The following DCLRE1C variants were observed in gnomAD, a reference collection of about 807,000 sequenced individuals.
DCLRE1C encodes the protein protein artemis.
In DCLRE1C, 47 loss-of-function variants were observed where a neutral mutation model predicts 61.4. The ratio of observed to expected loss-of-function variants is 0.77; its 90% CI spans 0.61 to 0.98. The LOEUF is 0.98. Ranked by LOEUF, DCLRE1C falls within the 50% of genes least tolerant of loss-of-function variation. The pLI, the probability that DCLRE1C is intolerant of heterozygous loss-of-function variation, is 0.00. For synonymous variants in DCLRE1C, 337 were observed against 287.6 expected (o/e 1.17, Z -1.74); for missense variants, 858 against 816.0 (o/e 1.05, Z -0.63).
rs1378418450 is a variant in DCLRE1C, at chr10:14,929,852, G to C, written c.781-1700C>G. On this transcript the variant is annotated intron_variant, in intron 9 of 13. Transcript: ENST00000378278. Reference sequence around the variant, plus strand: ...TGGTGCTGTTTCTTAGGAAGGTGCAGATTAGAGTTAAGAGTGGACTCTATG... The same window carrying C: ...TGGTGCTGTTTCTTAGGAAGGTGCACATTAGAGTTAAGAGTGGACTCTATG... Among the ~76,000 whole-genome samples, 4 of 152,276 alleles carry C rather than the reference G, an allele frequency of 2.6e-5. No homozygotes were observed. In the East Asian group the frequency reaches 7.7e-4, roughly 29 times the overall value.
At position 14,908,387 on chromosome 10, in the gene DCLRE1C, A is replaced by T; in HGVS notation, c.*21T>A. On this transcript the variant is annotated 3_prime_UTR_variant, in exon 14 of 14. Transcript: ENST00000378278. ...GTGCAGGTTTTTTAGTGGTTGCTCTAGGTTGAAACGCTTTGAATTCTTAGG... is the reference window on the plus strand; with the variant it reads ...GTGCAGGTTTTTTAGTGGTTGCTCTTGGTTGAAACGCTTTGAATTCTTAGG... The T allele has an allele frequency of 6.3e-7, 1 of 1,582,884 alleles. No homozygotes were observed. Among genetic ancestry groups the T allele is most frequent in the Non-Finnish European group, 8.7e-7 (1 of 1,152,614 alleles).
intron 9 of DCLRE1C, among the ~76,000 whole-genome samples, chr10:14,928,467 G>A (rs891682775): frequency 6.6e-6 from 1 of 152,104 alleles, no homozygotes; most frequent in Non-Finnish European, 1.5e-5. Flanking sequence ...AATAAATCCT[G>A]GATGCCCCTG....
chr10:14,951,046 G>C (rs1055788078), intron 1 of DCLRE1C, among the ~76,000 whole-genome samples: 1 of 152,058 alleles, frequency 6.6e-6, no homozygotes, highest in Admixed American at 6.6e-5. Flanking sequence ...CCACAAATAA[G>C]CATCAGGTGG....
At chr10:14,934,119 G>C (rs561602377) in intron 8 of DCLRE1C, among the ~76,000 whole-genome samples, 1 of 152,196 alleles carries the variant, frequency 6.6e-6, no homozygotes, top group African/African-American at 2.4e-5. Context: ...CTTGAGGTCA[G>C]GAGTTCAAGA....
Position 14,905,178 on chromosome 10 carries a change from C to T in DCLRE1C, c.*3230G>A, listed in dbSNP as rs1834289160. Among the ~76,000 whole-genome samples the T allele has an allele frequency of 6.6e-6, 1 of 152,254 alleles. No homozygotes were observed. Among genetic ancestry groups the T allele is most frequent in the Non-Finnish European group, 1.5e-5 (1 of 68,046 alleles). On this transcript the variant is annotated 3_prime_UTR_variant, in exon 14 of 14. Coordinates refer to ENST00000378278, the MANE Select transcript of DCLRE1C (RefSeq NM_001033855.3). ...TTATATTCAATTCCTTTAAATGTTACTTTCCTTTTAAGATAGCTTTCATGG... is the reference window on the plus strand; with the variant it reads ...TTATATTCAATTCCTTTAAATGTTATTTTCCTTTTAAGATAGCTTTCATGG...
In DCLRE1C at chr10:14,928,169, G is replaced by C. The variant is rs41298886; in HGVS notation, c.781-17C>G. The C allele has an allele frequency of 0.06, 96,782 of 1,609,806 alleles. 3,579 individuals carry two copies. Among genetic ancestry groups the C allele is most frequent in the Middle Eastern group, 0.093 (564 of 6,050 alleles). On this transcript the variant is annotated splice_polypyrimidine_tract_variant and intron_variant, in intron 9 of 13. Coordinates refer to ENST00000378278, the MANE Select transcript of DCLRE1C (RefSeq NM_001033855.3). ...TTCCTCTGCCTAAAAAAGATAAAAA[G>C]CATAGAAAAACAGTTCTACATTTTC...
downstream of DCLRE1C, among the ~76,000 whole-genome samples, chr10:14,900,561 A>C (rs1833934503): frequency 1.3e-5 from 2 of 152,214 alleles, no homozygotes; most frequent in African/African-American, 4.8e-5. Context: ...GAGATATTCT[A>C]TCCAGGGCCA....
In DCLRE1C at chr10:14,951,073, G is replaced by T. The variant is rs41304314; in HGVS notation, c.110-1986C>A. 2.0e-4 allele frequency among the ~76,000 whole-genome samples: 30 copies of T among 152,132 alleles called. 1 individual carries two copies. In the East Asian group the frequency reaches 5.0e-3, roughly 26 times the overall value. Reference sequence around the variant, plus strand: ...ATCAGGTGGGTCCATAGCCTACTCCGAATTATATCAAAATGTGATGTGGGG... The same window carrying T: ...ATCAGGTGGGTCCATAGCCTACTCCTAATTATATCAAAATGTGATGTGGGG... On this transcript the variant is annotated intron_variant, in intron 1 of 13. Transcript: ENST00000378278.
intron 13 of DCLRE1C, among the ~76,000 whole-genome samples, chr10:14,915,950 ACT>A (rs1050626514): frequency 3.3e-5 from 5 of 152,178 alleles, no homozygotes; most frequent in African/African-American, 1.2e-4. Context: ...TTGGTTTAAC[ACT>A]CAAAAATCAG....
intron 13 of DCLRE1C, among the ~76,000 whole-genome samples, chr10:14,915,089 A>G (rs1321565881): frequency 6.6e-6 from 1 of 152,068 alleles, no homozygotes; most frequent in African/African-American, 2.4e-5. Flanking sequence ...AAGTCAAAGG[A>G]AAAATTTAAA....
intron 13 of DCLRE1C, among the ~76,000 whole-genome samples, chr10:14,917,106 A>C (rs1431576547): frequency 6.6e-6 from 1 of 152,250 alleles, no homozygotes; most frequent in African/African-American, 2.4e-5. Context: ...CATATCTTGT[A>C]AATTGACTCT....
intron 13 of DCLRE1C, among the ~76,000 whole-genome samples, chr10:14,915,191 A>G: frequency 6.6e-6 from 1 of 152,186 alleles, no homozygotes; most frequent in Admixed American, 6.5e-5. Context: ...TTAGAAAATA[A>G]GGTCTCAAAT....
Position 14,945,205 on chromosome 10 carries a change from A to T in DCLRE1C, c.162-16T>A. 5 of 1,607,230 alleles carry T rather than the reference A, an allele frequency of 3.1e-6. No individual in the cohort carries two copies. The highest frequency in any genetic ancestry group is 4.3e-6 in the Non-Finnish European group (5 of 1,175,598). On this transcript the variant is annotated splice_polypyrimidine_tract_variant and intron_variant, in intron 2 of 13. Coordinates refer to ENST00000378278, the MANE Select transcript of DCLRE1C (RefSeq NM_001033855.3). The stretch of plus-strand genomic sequence containing the variant: ...AACCTTCAAGCTGAAAGGAAAAAAG[A>T]AAAAAACTTTCAGTACAATCCAAAA...
intron 4 of DCLRE1C, 42 bp from the exon 5 acceptor site, chr10:14,936,635 A>G: frequency 7.0e-7 from 1 of 1,419,436 alleles, no homozygotes; most frequent in Non-Finnish European, 9.9e-7. Context: ...GAAAGCAGTT[A>G]TCATTAGGAC....
At chr10:14,952,559 G>A (rs1842606565) in intron 1 of DCLRE1C, among the ~76,000 whole-genome samples, 1 of 152,148 alleles carries the variant, frequency 6.6e-6, no homozygotes, top group African/African-American at 2.4e-5. Flanking sequence ...CTGCACTCCA[G>A]CCTGGTGATG....
intron 13 of DCLRE1C, among the ~76,000 whole-genome samples, chr10:14,915,974 A>G (rs1040499004): frequency 3.3e-5 from 5 of 152,240 alleles, no homozygotes; most frequent in East Asian, 1.9e-4. Flanking sequence ...GTATGTCACC[A>G]TATTAACAGA....
intron 4 of DCLRE1C, among the ~76,000 whole-genome samples, chr10:14,939,090 A>G (rs1840451679): frequency 6.6e-6 from 1 of 152,132 alleles, no homozygotes; most frequent in Admixed American, 6.5e-5. Flanking sequence ...CACCCAGGGG[A>G]GCTTGTCTGC....
chr10:14,917,309 C>A (rs1281110503), intron 13 of DCLRE1C, among the ~76,000 whole-genome samples: 1 of 151,930 alleles, frequency 6.6e-6, no homozygotes. Context: ...TGGCAGAAAA[C>A]AGGAGAAAAT....
intron 8 of DCLRE1C, among the ~76,000 whole-genome samples, chr10:14,933,597 A>G (rs969409364): frequency 2.0e-5 from 3 of 152,178 alleles, no homozygotes; most frequent in African/African-American, 7.2e-5. Context: ...AGACCGTGCC[A>G]CTGCACTCCA....
Sources: allele counts gnomAD v4.1 joint callset (sites outside exome capture counted in the v4.1 genomes callset), GRCh38; gene constraint gnomAD v4.1.1; transcripts MANE v1.5; gene names NCBI Gene and HGNC (gene_info 2026-07-23, HGNC 2026-07-21).